Variants in NOX5 observed in about 807,000 individuals in gnomAD.
NOX5 encodes NADPH oxidase 5.
A neutral mutation model predicts 85.7 loss-of-function variants in NOX5; 76 were observed. The observed-to-expected ratio is 0.89, with a 90% CI of 0.74 to 1.07. NOX5 has a LOEUF of 1.07. Among genes scored for constraint, NOX5 ranks in the 50% least tolerant of loss-of-function variants. The probability of loss-of-function intolerance (pLI) is 0.00; values close to 1 mark genes in which losing one functional copy is unlikely to be tolerated. For missense variants in NOX5, 973 were observed against 999.5 expected (o/e 0.97, Z 0.36); for synonymous variants, 405 against 401.4 (o/e 1.01, Z -0.11).
At chr15:69,020,774 G>GA (rs1213078401) in intron 1 of NOX5, among the ~76,000 whole-genome samples, 1 of 151,932 alleles carries the variant, frequency 6.6e-6, no homozygotes, top group East Asian at 1.9e-4. Flanking sequence ...TTAAACTAGA[G>GA]AAACTAAATA....
At position 69,028,195 on chromosome 15, in the gene NOX5, T is replaced by C. The variant is rs1344711073; in HGVS notation, c.175-20T>C. 6.3e-7 allele frequency: 1 copy of C among 1,579,538 alleles called. No individual in the cohort carries two copies. The highest frequency in any genetic ancestry group is 1.2e-5 in the South Asian group (1 of 84,744). On this transcript the variant is annotated intron_variant, in intron 2 of 15. Coordinates refer to ENST00000388866, the MANE Select transcript of NOX5 (RefSeq NM_024505.4). ...CCCTGCGGCCACAGTTGTGCTGTCT[T>C]CCACCCTTCTCGCCCACAGTCCTTC...
intron 9 of NOX5, among the ~76,000 whole-genome samples, chr15:69,040,682 GT>G (rs1182443956): frequency 6.6e-6 from 1 of 151,610 alleles, no homozygotes; most frequent in Non-Finnish European, 1.5e-5. Context: ...TTCCAAACTT[GT>G]TATATTTCAC....
intron 5 of NOX5, 37 bp downstream of exon 5, chr15:69,033,314 A>C (rs770747441): frequency 6.3e-7 from 1 of 1,577,192 alleles, no homozygotes; most frequent in African/African-American, 1.4e-5. Flanking sequence ...TGAAAATGTT[A>C]ATTAGGAGCC....
At position 69,046,950 on chromosome 15, in the gene NOX5, T is replaced by A. The variant is rs544484853; in HGVS notation, c.1692+84T>A. ...AGTCTTTGCCTTTAAGGAGGGGCTG[T>A]TGTGGTTGTGGGTACTCAAGCTCCT... On this transcript the variant is annotated intron_variant, in intron 11 of 15. Coordinates refer to ENST00000388866, the MANE Select transcript of NOX5 (RefSeq NM_024505.4). 82 of 1,457,554 alleles carry A rather than the reference T, an allele frequency of 5.6e-5. No homozygotes were observed. In the African/African-American group the frequency reaches 1.1e-3, roughly 20 times the overall value. The allele number at this position is 1,457,554 out of a possible 1,614,324, so 90.3% of individuals were successfully genotyped here.
At chr15:69,027,924 C>A (rs2050378352) in intron 2 of NOX5, among the ~76,000 whole-genome samples, 1 of 152,136 alleles carries the variant, frequency 6.6e-6, no homozygotes, top group African/African-American at 2.4e-5. Context: ...GATTTAAAGG[C>A]TGATGGGGGT....
chr15:69,047,361 G>A, intron 11 of NOX5, 52 bp from the exon 12 acceptor site: 1 of 1,503,150 alleles, frequency 6.7e-7, no homozygotes, highest in Non-Finnish European at 8.9e-7. Flanking sequence ...TGGTAGCAGG[G>A]GAGACCAGCG....
chr15:69,042,068 T>TA (rs34833384), intron 9 of NOX5, among the ~76,000 whole-genome samples: 69,845 of 141,758 alleles, frequency 0.49, 18,228 homozygotes, highest in Non-Finnish European at 0.61. Flanking sequence ...ATCCCTGGTT[T>TA]AAAAAAAAAA....
rs1292834048 is a variant in NOX5 at position 69,037,025 on chromosome 15, T to C, written c.1189-3T>C. ...AAGTTGACTGCCCCCCCTACCCCCA[T>C]AGGTGTTCTATTGGACTCACCTGTC... On this transcript the variant is annotated splice_polypyrimidine_tract_variant and splice_region_variant and intron_variant, in intron 7 of 15. Transcript: ENST00000388866. 6.3e-7 allele frequency: 1 copy of C among 1,594,676 alleles called. No homozygotes were observed.
At position 69,058,510 on chromosome 15, in the gene NOX5, A is replaced by G. The variant is rs908247794; in HGVS notation, c.*1814A>G. The G allele has an allele frequency of 2.0e-5, 3 of 152,642 alleles. No homozygotes were observed. Among genetic ancestry groups the G allele is most frequent in the African/African-American group, 7.2e-5 (3 of 41,430 alleles). The allele number at this position is 152,642 out of a possible 1,614,324, so 9.5% of individuals were successfully genotyped here. Reference sequence around the variant, plus strand: ...TCTTTAAGATGTGAGGAGGAACGGGAAGAAGAATACGAGAGGAGGAGTGGG... The same window carrying G: ...TCTTTAAGATGTGAGGAGGAACGGGGAGAAGAATACGAGAGGAGGAGTGGG... On this transcript the variant is annotated 3_prime_UTR_variant, in exon 16 of 16. Coordinates refer to ENST00000388866, the MANE Select transcript of NOX5 (RefSeq NM_024505.4).
At chr15:69,017,415 G>T (rs934800715) in intron 1 of NOX5, among the ~76,000 whole-genome samples, 1 of 152,144 alleles carries the variant, frequency 6.6e-6, no homozygotes, top group African/African-American at 2.4e-5. Context: ...GCCCCCCAAA[G>T]TACTGGGATT....
chr15:69,028,116 C>CG, intron 2 of NOX5, 99 bp from the exon 3 acceptor site: 1 of 1,320,132 alleles, frequency 7.6e-7, no homozygotes. Flanking sequence ...TGTGGTGCAC[C>CG]CCCCCACCAC....
intron 14 of NOX5, among the ~76,000 whole-genome samples, chr15:69,054,515 C>A (rs965639683): frequency 6.6e-6 from 1 of 152,200 alleles, no homozygotes. Context: ...GTTTCTAGTC[C>A]CATTTCCTTT....
intron 1 of NOX5, among the ~76,000 whole-genome samples, chr15:69,015,803 G>T (rs925476896): frequency 1.3e-5 from 2 of 151,866 alleles, no homozygotes; most frequent in Non-Finnish European, 2.9e-5. Flanking sequence ...CTTTGGGGGG[G>T]CAGTGATGGG....
At chr15:69,024,794 A>C (rs958481565) in intron 1 of NOX5, among the ~76,000 whole-genome samples, 1 of 152,274 alleles carries the variant, frequency 6.6e-6, no homozygotes, top group African/African-American at 2.4e-5. Flanking sequence ...ATCCCCCCAC[A>C]GATAAGGGAG....
chr15:69,049,403 C>T (rs1228838129), intron 14 of NOX5, among the ~76,000 whole-genome samples: 1 of 151,400 alleles, frequency 6.6e-6, no homozygotes, highest in African/African-American at 2.4e-5. Flanking sequence ...ATTGCCCAGG[C>T]TAATTCAGAG....
chr15:69,027,964 C>T (rs1194231225), intron 2 of NOX5, among the ~76,000 whole-genome samples: 1 of 152,122 alleles, frequency 6.6e-6, no homozygotes, highest in Non-Finnish European at 1.5e-5. Context: ...AGAGCCCATG[C>T]AAATTACAAA....
rs2050835253 is a variant in NOX5, at chr15:69,058,142, G to T, written c.*1446G>T. On this transcript the variant is annotated 3_prime_UTR_variant, in exon 16 of 16. Coordinates refer to ENST00000388866, the MANE Select transcript of NOX5 (RefSeq NM_024505.4). Reference sequence around the variant, plus strand: ...CCCTTCCCCAAGGCTGCCATCATGGGGTTGGAACCAGGCACTTTCCAATGG... The same window carrying T: ...CCCTTCCCCAAGGCTGCCATCATGGTGTTGGAACCAGGCACTTTCCAATGG... 6.6e-6 allele frequency: 1 copy of T among 152,320 alleles called. No homozygotes were observed. The highest frequency in any genetic ancestry group is 2.4e-5 in the African/African-American group (1 of 41,456). The allele number at this position is 152,320 out of a possible 1,614,324, so 9.4% of individuals were successfully genotyped here. A position where few individuals can be genotyped will look rare whatever the true frequency, so the allele number is the denominator to read the frequency against.
Position 69,035,527 on chromosome 15 carries a change from G to C in NOX5, c.1009+20G>C, listed in dbSNP as rs370169808. 48 of 1,613,028 alleles carry C rather than the reference G, an allele frequency of 3.0e-5. No individual in the cohort carries two copies. The highest frequency in any genetic ancestry group is 1.6e-4 in the Middle Eastern group (1 of 6,076). ...ACTTTGGTGAGTGATCTGGGGCAGG[G>C]TTGGGTCGGGGAGAAGCTTGAGCAG... On this transcript the variant is annotated intron_variant, in intron 6 of 15. Transcript: ENST00000388866.
At position 69,033,126 on chromosome 15, in the gene NOX5, A is replaced by G; in HGVS notation, c.704A>G (p.His235Arg). The G allele has an allele frequency of 1.9e-6, 3 of 1,562,150 alleles. No homozygotes were observed. Among genetic ancestry groups the G allele is most frequent in the Non-Finnish European group, 2.6e-6 (3 of 1,160,436 alleles). Residue 235 changes from histidine (H) to arginine (R), a missense_variant, in exon 5 of 16, where the codon CAC becomes CGC. Transcript: ENST00000388866. ...RQLTRAYWHN[H>R]RSQLFCLATY... ...CTGACCCGCGCCTACTGGCACAACC[A>G]CCGCAGCCAGCTGTTCTGCCTGGCC...
Sources: allele counts gnomAD v4.1 joint callset (sites outside exome capture counted in the v4.1 genomes callset), GRCh38; gene constraint gnomAD v4.1.1; transcripts MANE v1.5; gene names NCBI Gene and HGNC (gene_info 2026-07-23, HGNC 2026-07-21).